Variants in FGFR1 observed in about 807,000 individuals in gnomAD.
The protein encoded by FGFR1 is fibroblast growth factor receptor 1.
In FGFR1, 18 loss-of-function variants were observed where a neutral mutation model predicts 93.7. The ratio of observed to expected loss-of-function variants is 0.19; its 90% confidence interval spans 0.13 to 0.28. The LOEUF is 0.28. Ranked by LOEUF, FGFR1 falls within the 10% of genes least tolerant of loss-of-function variation. The probability of loss-of-function intolerance (pLI) is 1.00; values close to 1 mark genes in which losing one functional copy is unlikely to be tolerated. For missense variants in FGFR1, 731 were observed against 1,080.4 expected, an observed-to-expected ratio of 0.68 and a Z score of 4.53; for synonymous variants, 448 against 429.3, an observed-to-expected ratio of 1.04 and a Z score of -0.54.
At chr8:38,450,509 G>A (rs1407319018) in intron 2 of FGFR1, among the ~76,000 whole-genome samples, 2 of 152,092 alleles carry the variant, frequency 1.3e-5, no homozygotes, top group Admixed American at 1.3e-4. Flanking sequence ...TTCTCCCAGG[G>A]CCATTCATCA....
intron 9 of FGFR1, among the ~76,000 whole-genome samples, chr8:38,419,018 T>G (rs542104439): frequency 6.6e-6 from 1 of 152,374 alleles, no homozygotes; most frequent in East Asian, 1.9e-4. Context: ...GGAGTTTCCC[T>G]GTACAAGCTC....
intron 2 of FGFR1, among the ~76,000 whole-genome samples, chr8:38,450,754 G>C (rs1371019823): frequency 1.3e-5 from 2 of 152,186 alleles, no homozygotes; most frequent in African/African-American, 4.8e-5. Flanking sequence ...GTTCTTCCCT[G>C]AGAAATTCCT....
intron 2 of FGFR1, among the ~76,000 whole-genome samples, chr8:38,439,619 C>G (rs1826691406): frequency 6.6e-6 from 1 of 152,172 alleles, no homozygotes; most frequent in Non-Finnish European, 1.5e-5. Flanking sequence ...ACGTCCTCTC[C>G]CACCCCTGGT....
rs763815221 is a variant in FGFR1 at position 38,418,215 on chromosome 8, A to G, written c.1430+13T>C. 28 of 1,614,070 alleles carry G rather than the reference A, an allele frequency of 1.7e-5. No homozygotes were observed. The highest frequency in any genetic ancestry group is 5.3e-5 in the African/African-American group (4 of 74,938). ...GAATGCCTTCAAAAAGTTGGGAGTCAAAGTATTATTACCTGTCCCGAGGCA... is the reference window on the plus strand; with the variant it reads ...GAATGCCTTCAAAAAGTTGGGAGTCGAAGTATTATTACCTGTCCCGAGGCA... On this transcript the variant is annotated intron_variant, in intron 10 of 17. Coordinates refer to ENST00000447712, the MANE Select transcript of FGFR1 (RefSeq NM_023110.3).
At position 38,416,005 on chromosome 8, in the gene FGFR1, C is replaced by T. The variant is rs2150589288; in HGVS notation, c.1719G>A (p.Leu573=). 1.2e-6 allele frequency: 2 copies of T among 1,613,942 alleles called. No homozygotes were observed. The highest frequency in any genetic ancestry group is 1.1e-5 in the South Asian group (1 of 91,060). ...CCAGCCCTGGGGGCCTCCGGGCCTG[C>T]AGGTACTCCCGCAGGTTGCCCTTGG... ...YASKGNLREY[L]QARRPPGLEY... is the part of the protein sequence containing the mutation. Residue 573 remains leucine (L), a synonymous_variant, in exon 13 of 18, where the codon CTG becomes CTA. Transcript: ENST00000447712.
chr8:38,444,260 A>ATCCCAT (rs1472538004), intron 2 of FGFR1, among the ~76,000 whole-genome samples: 2 of 152,068 alleles, frequency 1.3e-5, no homozygotes. Context: ...GGACCCAGAG[A>ATCCCAT]CTGCTTCATT....
chr8:38,430,632 G>GACGGGAGGCCACAGCTGCCATAAAACCC (rs1432319829), intron 2 of FGFR1: 3 of 152,328 alleles, frequency 2.0e-5, no homozygotes, highest in African/African-American at 7.2e-5. Flanking sequence ...ACTATATTAG[G>GACGGGAGGCCACAGCTGCCATAAAACCC]ACGGGAGGCC....
Position 38,424,090 on chromosome 8 carries a change from G to C in FGFR1, c.936+419C>G. 1 of 318,738 alleles carries C rather than the reference G, an allele frequency of 3.1e-6. No individual in the cohort carries two copies. The highest frequency in any genetic ancestry group is 3.0e-5 in the South Asian group (1 of 33,622). The allele number at this position is 318,738 out of a possible 1,614,324, so 19.7% of individuals were successfully genotyped here. On this transcript the variant is annotated intron_variant, in intron 7 of 17. Coordinates refer to ENST00000447712, the MANE Select transcript of FGFR1 (RefSeq NM_023110.3). The surrounding 1 kb of genome is among the most constrained non-coding windows in gnomAD (Gnocchi z 4.3). ...TTTGTTTTTCCAACTCTTCGTAAGAGATGCTCTTATCATGCACCCCATTTG... is the reference window on the plus strand; with the variant it reads ...TTTGTTTTTCCAACTCTTCGTAAGACATGCTCTTATCATGCACCCCATTTG...
At chr8:38,423,241 C>T (rs1819464618) in intron 7 of FGFR1, 1 of 759,306 alleles carries the variant, frequency 1.3e-6, no homozygotes, top group Admixed American at 1.8e-5. Flanking sequence ...CACGTTGCTC[C>T]CGTGTAACTT....
rs1301502153 is a variant in FGFR1 at position 38,466,900 on chromosome 8, CCCCCCA to C, written c.-89+1075_-89+1080del. On this transcript the variant is annotated intron_variant, in intron 1 of 17. Coordinates refer to ENST00000447712, the MANE Select transcript of FGFR1 (RefSeq NM_023110.3). ...AGAAACAGGCTTCACACCCCACCCC[CCCCCCA>C]CCACCACCAAAAAAGTGTCTGGCTG... Among the ~76,000 whole-genome samples, 114 of 150,486 alleles carry C rather than the reference CCCCCCA, an allele frequency of 7.6e-4. 2 individuals are homozygous for C. Among genetic ancestry groups the C allele is most frequent in the Middle Eastern group, 6.8e-3 (2 of 294 alleles).
chr8:38,421,974 C>T (rs1818972801), intron 7 of FGFR1, 33 bp from the exon 8 acceptor site: 1 of 1,613,270 alleles, frequency 6.2e-7, no homozygotes, highest in South Asian at 1.1e-5. Flanking sequence ...AATGGACAAG[C>T]ACAGGACATG....
chr8:38,416,339 C>T (rs1816594455), intron 12 of FGFR1, among the ~76,000 whole-genome samples: 1 of 152,116 alleles, frequency 6.6e-6, no homozygotes, highest in South Asian at 2.1e-4. Context: ...GGCTGGAGTG[C>T]AGTGGCGCAA....
At position 38,413,972 on chromosome 8, in the gene FGFR1, G is replaced by A. The variant is rs774683007; in HGVS notation, c.2238C>T (p.Thr746=). ...CCAGGTCTTCCACCAGCTGCTTGAA[G>A]GTGGGTCTCTGTGAGGGCACTGCAT... ...CWHAVPSQRP[T]FKQLVEDLDR... is the part of the protein sequence containing the mutation. The change falls in exon 17 of 18, where the codon ACC becomes ACT. Residue 746 remains threonine, a synonymous_variant. Transcript: ENST00000447712. This position sits in a 1 kb window ranked among gnomAD's most constrained non-coding sequence, Gnocchi z 4.2. 80 of 1,614,008 alleles carry A rather than the reference G, an allele frequency of 5.0e-5. No homozygotes were observed. Among genetic ancestry groups the A allele is most frequent in the Non-Finnish European group, 6.4e-5 (76 of 1,180,010 alleles).
At chr8:38,461,856 T>C in intron 1 of FGFR1, among the ~76,000 whole-genome samples, 1 of 152,196 alleles carries the variant, frequency 6.6e-6, no homozygotes, top group Non-Finnish European at 1.5e-5. Context: ...ATTAAGATAT[T>C]TATAATTCTC....
intron 15 of FGFR1, 80 bp from the exon 16 acceptor site, chr8:38,414,369 G>A (rs2150542838): frequency 1.2e-6 from 2 of 1,604,444 alleles, no homozygotes; most frequent in Non-Finnish European, 1.7e-6. Context: ...ACCCAGGGCA[G>A]TGCCAGGAGA....
At chr8:38,421,726 C>T (rs1488603693) in intron 8 of FGFR1, 71 bp downstream of exon 8, 3 of 1,531,356 alleles carry the variant, frequency 2.0e-6, no homozygotes, top group African/African-American at 2.7e-5. Flanking sequence ...TCTCCCCAAG[C>T]CTGGAAATGC....
At chr8:38,463,667 G>C (rs747787599) in intron 1 of FGFR1, among the ~76,000 whole-genome samples, 1 of 152,188 alleles carries the variant, frequency 6.6e-6, no homozygotes, top group South Asian at 2.1e-4. Context: ...TCCAGAAAAA[G>C]AGGCTGAGAA....
chr8:38,433,816 G>A (rs1442711404), intron 2 of FGFR1, among the ~76,000 whole-genome samples: 1 of 152,100 alleles, frequency 6.6e-6, no homozygotes, highest in African/African-American at 2.4e-5. Context: ...TCCATTTAAT[G>A]GTTTTTGTAT....
rs2150651262 is a variant in FGFR1 at position 38,417,908 on chromosome 8, G to A, written c.1514C>T (p.Pro505Leu). 6.2e-7 allele frequency: 1 copy of A among 1,614,164 alleles called. No homozygotes were observed. The highest frequency in any genetic ancestry group is 2.2e-5 in the East Asian group (1 of 44,882). Residue 505 changes from proline to leucine, a missense_variant, in exon 11 of 18, where the codon CCC becomes CTC. By Grantham distance (98) the Pro-to-Leu change is moderately conservative. Coordinates refer to ENST00000447712, the MANE Select transcript of FGFR1 (RefSeq NM_023110.3). ...CACAGCCACTTTGGTCACACGGTTG[G>A]GTTTGTCCTTGTCCAGCCCGATAGC... ...AEAIGLDKDK[P>L]NRVTKVAVKM...
Sources: allele counts gnomAD v4.1 joint callset (sites outside exome capture counted in the v4.1 genomes callset), GRCh38; gene constraint gnomAD v4.1.1; non-coding constraint Gnocchi (gnomAD v3.1); transcripts MANE v1.5; gene names NCBI Gene and HGNC (gene_info 2026-07-23, HGNC 2026-07-21).